TREH: variants seen among roughly 807,000 people sequenced by gnomAD.
TREH encodes the protein alpha,alpha-trehalose glucohydrolase.
In TREH, 69 loss-of-function variants were observed where a neutral mutation model predicts 80.5. That is an observed-to-expected ratio of 0.86 (90% CI 0.71 to 1.05). The LOEUF (loss-of-function observed/expected upper bound fraction) is 1.05, where lower values mean the gene tolerates loss of function less well. TREH is among the 50% of genes least tolerant of loss of function. The pLI, the probability that TREH is intolerant of heterozygous loss-of-function variation, is 0.00. For missense variants in TREH, 716 were observed against 718.8 expected, an observed-to-expected ratio of 1.00 and a Z score of 0.04; for synonymous variants, 309 against 293.5, an observed-to-expected ratio of 1.05 and a Z score of -0.54.
At chr11:118,666,343 G>A (rs1555145687) in intron 1 of TREH, among the ~76,000 whole-genome samples, 1 of 152,216 alleles carries the variant, frequency 6.6e-6, no homozygotes, top group Non-Finnish European at 1.5e-5. Flanking sequence ...TCACATTGGT[G>A]TCTGGAGAGA....
intron 10 of TREH, among the ~76,000 whole-genome samples, chr11:118,660,290 G>T (rs957550971): frequency 4.6e-5 from 7 of 152,174 alleles, no homozygotes; most frequent in African/African-American, 1.7e-4. Flanking sequence ...TTTTGGATGC[G>T]TGGACTAGGG....
At chr11:118,659,650 A>G (rs1444208246) in intron 11 of TREH, 97 bp downstream of exon 11, 4 of 1,449,028 alleles carry the variant, frequency 2.8e-6, no homozygotes, top group Admixed American at 2.0e-5. Flanking sequence ...GACAAGGGGC[A>G]TAGCCGGAGG....
chr11:118,675,954 C>G (rs1318202291), intron 1 of TREH, among the ~76,000 whole-genome samples: 3 of 152,196 alleles, frequency 2.0e-5, no homozygotes, highest in Non-Finnish European at 4.4e-5. Context: ...CCATCCACCT[C>G]GGCCTCCCAA....
rs1555144916 is a variant in TREH, at chr11:118,661,309, C to T, written c.735-27G>A. The T allele has an allele frequency of 1.9e-6, 3 of 1,613,952 alleles. No individual in the cohort carries two copies. The highest frequency in any genetic ancestry group is 2.5e-6 in the Non-Finnish European group (3 of 1,179,854). On this transcript the variant is annotated intron_variant, in intron 7 of 14. Transcript: ENST00000264029. This position sits in a 1 kb window ranked among gnomAD's most constrained non-coding sequence, Gnocchi z 4.2. The stretch of plus-strand genomic sequence containing the variant: ...TGGAGTGAAGCAGACAACACCTCAG[C>T]CCAGGCGTGCTGCCCATCCCCAGCC...
chr11:118,675,642 C>A (rs1949470971), intron 1 of TREH, among the ~76,000 whole-genome samples: 1 of 152,148 alleles, frequency 6.6e-6, no homozygotes, highest in African/African-American at 2.4e-5. Flanking sequence ...CCCATGGAAC[C>A]AGGACGTTTC....
At chr11:118,676,078 C>T (rs1555146792) in intron 1 of TREH, among the ~76,000 whole-genome samples, 1 of 152,184 alleles carries the variant, frequency 6.6e-6, no homozygotes, top group African/African-American at 2.4e-5. Context: ...AATCATTGAT[C>T]ATGTAATTGA....
chr11:118,670,553 G>A (rs531202469), intron 1 of TREH, among the ~76,000 whole-genome samples: 1 of 152,328 alleles, frequency 6.6e-6, no homozygotes, highest in Non-Finnish European at 1.5e-5. Context: ...CCCAATACAT[G>A]TGACCCTCAA....
rs1949320725 is a variant in TREH at position 118,661,459 on chromosome 11, T to C, written c.668A>G (p.Gln223Arg). The change falls in exon 7 of 15, where the codon CAG (glutamine) becomes CGG (arginine). Residue 223 changes from glutamine to arginine, a missense_variant. Physicochemically the swap from Gln to Arg is conservative, Grantham distance 43. Transcript: ENST00000264029. The surrounding 1 kb of genome is among the most constrained non-coding windows in gnomAD (Gnocchi z 4.2). ...GGRVYYLQRS[Q>R]PPLLTLMMDC... is the part of the protein sequence containing the mutation. ...CATCATGAGGGTCAAGAGTGGGGGCTGGCTCCGCTGCAGGTAGTACACGCG... is the reference window on the plus strand; with the variant it reads ...CATCATGAGGGTCAAGAGTGGGGGCCGGCTCCGCTGCAGGTAGTACACGCG... 1 of 1,613,922 alleles carries C rather than the reference T, an allele frequency of 6.2e-7. No homozygotes were observed. The highest frequency in any genetic ancestry group is 8.5e-7 in the Non-Finnish European group (1 of 1,179,850).
chr11:118,660,430 G>T, intron 10 of TREH, 109 bp downstream of exon 10: 1 of 1,204,534 alleles, frequency 8.3e-7, no homozygotes. Flanking sequence ...GGGCTCGACA[G>T]GCTAAGTTGC....
At position 118,661,888 on chromosome 11, in the gene TREH, AC is replaced by A. The variant is rs781857061; in HGVS notation, c.524+1del. On this transcript the variant is annotated splice_donor_variant, in intron 5 of 14. Coordinates refer to ENST00000264029, the MANE Select transcript of TREH (RefSeq NM_007180.3). LOFTEE classifies it high-confidence loss of function. This position sits in a 1 kb window ranked among gnomAD's most constrained non-coding sequence, Gnocchi z 4.2. ...CTTGGTCTCTTGGGCCTGGGCGCTC[AC>A]CAGTAGTAGAACTCAACAAAGCGAC... The A allele has an allele frequency of 7.1e-6, 11 of 1,558,878 alleles. 1 individual carries two copies. In the South Asian group the frequency reaches 1.3e-4, roughly 18 times the overall value.
chr11:118,667,346 T>G (rs1352738378), intron 1 of TREH, among the ~76,000 whole-genome samples: 1 of 4,338 alleles, frequency 2.3e-4, no homozygotes, highest in Non-Finnish European at 4.0e-4. Context: ...ATCCAGCTAA[T>G]TTTTTCTATT....
chr11:118,659,392 G>T lies in TREH; in HGVS notation c.1410C>A (p.Pro470=), dbSNP rs546801778. The change falls in exon 12 of 15, where the codon CCC becomes CCA. Residue 470 remains proline, a synonymous_variant. Transcript: ENST00000264029. ...QQWDFPNAWA[P]LQDLVIRGLA... ...TACCTCTGATGACCAGGTCCTGCAG[G>T]GGGGCCCAGGCATTGGGGAAATCCC... 3 of 1,594,504 alleles carry T rather than the reference G, an allele frequency of 1.9e-6. No homozygotes were observed. The highest frequency in any genetic ancestry group is 2.7e-5 in the African/African-American group (2 of 74,558).
intron 1 of TREH, among the ~76,000 whole-genome samples, chr11:118,676,331 C>T (rs1555146818): frequency 6.6e-6 from 1 of 152,154 alleles, no homozygotes; most frequent in East Asian, 1.9e-4. Flanking sequence ...AAAAATTAGC[C>T]AGGCATGGTG....
At chr11:118,662,544 C>G (rs1437700293) in intron 4 of TREH, among the ~76,000 whole-genome samples, 1 of 152,200 alleles carries the variant, frequency 6.6e-6, no homozygotes, top group Non-Finnish European at 1.5e-5. Context: ...GAGGCCTGGC[C>G]CAGGAGCTCA....
In TREH at chr11:118,678,456, C is replaced by T. The variant is rs189889677; in HGVS notation, c.89+1083G>A. 4.8e-3 allele frequency among the ~76,000 whole-genome samples: 731 copies of T among 152,172 alleles called. 7 individuals are homozygous for T. Among genetic ancestry groups the T allele is most frequent in the African/African-American group, 0.017 (694 of 41,504 alleles). On this transcript the variant is annotated intron_variant, in intron 1 of 14. Coordinates refer to ENST00000264029, the MANE Select transcript of TREH (RefSeq NM_007180.3). The stretch of plus-strand genomic sequence containing the variant: ...TTGGCTCACTGCAACCTCCACATCC[C>T]AAGTTCAAGCGACTCTCCTGCCTCA...
intron 10 of TREH, 69 bp downstream of exon 10, chr11:118,660,469 TC>T: frequency 4.8e-6 from 7 of 1,470,658 alleles, no homozygotes; most frequent in Non-Finnish European, 6.4e-6. Context: ...GGGTCCTACT[TC>T]CAGTTCTATT....
At chr11:118,664,192 C>G (rs191772464) in intron 1 of TREH, among the ~76,000 whole-genome samples, 2 of 152,100 alleles carry the variant, frequency 1.3e-5, no homozygotes, top group Non-Finnish European at 2.9e-5. Context: ...TAGAAGGGGC[C>G]CTATGAACAG....
At chr11:118,660,289 C>T (rs532335528) in intron 10 of TREH, among the ~76,000 whole-genome samples, 1 of 152,196 alleles carries the variant, frequency 6.6e-6, no homozygotes, top group African/African-American at 2.4e-5. Context: ...ATTTTGGATG[C>T]GTGGACTAGG....
intron 12 of TREH, 82 bp from the exon 13 acceptor site, chr11:118,659,099 G>T: frequency 7.2e-7 from 1 of 1,389,208 alleles, no homozygotes; most frequent in Non-Finnish European, 1.0e-6. Flanking sequence ...TCTCCCCAAG[G>T]AGGGAAAGAG....
Sources: allele counts gnomAD v4.1 joint callset (sites outside exome capture counted in the v4.1 genomes callset), GRCh38; gene constraint gnomAD v4.1.1; non-coding constraint Gnocchi (gnomAD v3.1); transcripts MANE v1.5; gene names NCBI Gene and HGNC (gene_info 2026-07-23, HGNC 2026-07-21).